BTC: variants seen among roughly 807,000 people sequenced by gnomAD.
BTC encodes the protein betacellulin, also known as probetacellulin.
In BTC, 13 loss-of-function variants were observed where a neutral mutation model predicts 18.1. The observed-to-expected ratio is 0.72, with a 90% CI of 0.47 to 1.14. The LOEUF (loss-of-function observed/expected upper bound fraction) is 1.14. BTC is among the 50% of genes most tolerant of loss of function. The pLI is 0.00. For synonymous variants in BTC, 83 were observed against 79.4 expected, an observed-to-expected ratio of 1.05 and a Z score of -0.24; for missense variants, 247 against 224.2, an observed-to-expected ratio of 1.10 and a Z score of -0.65.
intron 4 of BTC, among the ~76,000 whole-genome samples, chr4:74,748,366 C>A (rs2109875335): frequency 6.6e-6 from 1 of 152,182 alleles, no homozygotes; most frequent in South Asian, 2.1e-4. Flanking sequence ...GAAACCCCGT[C>A]TCTACTAAAA....
intron 1 of BTC, among the ~76,000 whole-genome samples, chr4:74,779,086 T>A (rs1160677844): frequency 6.6e-6 from 1 of 150,864 alleles, no homozygotes; most frequent in African/African-American, 2.5e-5. Flanking sequence ...GTATGTTCAT[T>A]CAAATTCAGA....
intron 5 of BTC, among the ~76,000 whole-genome samples, chr4:74,746,970 T>C (rs1280144080): frequency 6.6e-6 from 1 of 152,152 alleles, no homozygotes; most frequent in Non-Finnish European, 1.5e-5. Context: ...TCTTAGGACC[T>C]AAGAGGAACT....
At chr4:74,783,509 A>C (rs1320947917) in intron 1 of BTC, among the ~76,000 whole-genome samples, 1 of 149,630 alleles carries the variant, frequency 6.7e-6, no homozygotes, top group Non-Finnish European at 1.5e-5. Flanking sequence ...GTAGCCCTGC[A>C]GTGTAGTTTG....
intron 2 of BTC, among the ~76,000 whole-genome samples, chr4:74,762,944 A>AT (rs1553957457): frequency 1.3e-5 from 2 of 152,246 alleles, no homozygotes; most frequent in Non-Finnish European, 1.5e-5. Flanking sequence ...TGTTCTTGAG[A>AT]TTTTTTGTTT....
chr4:74,759,566 A>G (rs1553957076), intron 2 of BTC, among the ~76,000 whole-genome samples: 1 of 152,076 alleles, frequency 6.6e-6, no homozygotes, highest in Non-Finnish European at 1.5e-5. Flanking sequence ...CCAATTAAAT[A>G]ATTTTAAAAT....
intron 2 of BTC, among the ~76,000 whole-genome samples, chr4:74,759,215 A>T (rs1401179002): frequency 6.6e-6 from 1 of 152,200 alleles, no homozygotes; most frequent in Non-Finnish European, 1.5e-5. Context: ...TATCAAGAAG[A>T]AGGAAAAGTT....
rs1298818954 is a variant in BTC at position 74,746,509 on chromosome 4, T to A, written c.*168A>T. On this transcript the variant is annotated 3_prime_UTR_variant, in exon 6 of 6. Coordinates refer to ENST00000395743, the MANE Select transcript of BTC (RefSeq NM_001729.4). The stretch of plus-strand genomic sequence containing the variant: ...TACTAGACAATATACATATAATTAA[T>A]GTTCTTATTAAAAAATAATAACACA... The A allele has an allele frequency of 1.3e-5, 2 of 152,632 alleles. No homozygotes were observed. The highest frequency in any genetic ancestry group is 6.5e-5 in the Admixed American group (1 of 15,286). 9.5% of individuals were successfully genotyped at this position (152,632 alleles called of 1,614,324 possible). A position where few individuals can be genotyped will look rare whatever the true frequency, so the allele number is the denominator to read the frequency against.
At chr4:74,787,396 G>A (rs1211588394) in intron 1 of BTC, among the ~76,000 whole-genome samples, 1 of 152,032 alleles carries the variant, frequency 6.6e-6, no homozygotes, top group Non-Finnish European at 1.5e-5. Context: ...ATTAAATATT[G>A]CCTCTCCCTC....
intron 1 of BTC, among the ~76,000 whole-genome samples, chr4:74,792,159 G>T (rs923522515): frequency 5.9e-5 from 9 of 152,254 alleles, no homozygotes; most frequent in Non-Finnish European, 1.3e-4. Context: ...AACAAATTAC[G>T]TTCCTTAGCA....
At chr4:74,763,260 A>G (rs1724812151) in intron 2 of BTC, among the ~76,000 whole-genome samples, 1 of 152,180 alleles carries the variant, frequency 6.6e-6, no homozygotes, top group Non-Finnish European at 1.5e-5. Flanking sequence ...CCAAATCACT[A>G]ATGTATTTGT....
intron 1 of BTC, among the ~76,000 whole-genome samples, chr4:74,784,828 A>G (rs886163076): frequency 6.6e-6 from 1 of 152,198 alleles, no homozygotes; most frequent in African/African-American, 2.4e-5. Context: ...TTGGTTTGCC[A>G]GTCTTTTGTT....
intron 1 of BTC, among the ~76,000 whole-genome samples, chr4:74,784,577 T>G (rs771450699): frequency 2.0e-5 from 3 of 152,330 alleles, no homozygotes; most frequent in African/African-American, 7.2e-5. Context: ...TATATGGCTC[T>G]TACTGTTTTG....
At chr4:74,786,770 G>C (rs370883850) in intron 1 of BTC, among the ~76,000 whole-genome samples, 2 of 151,852 alleles carry the variant, frequency 1.3e-5, no homozygotes, top group Non-Finnish European at 2.9e-5. Flanking sequence ...AATCTGCCCT[G>C]AACCAAACAT....
intron 1 of BTC, among the ~76,000 whole-genome samples, chr4:74,784,651 T>C (rs1424249694): frequency 6.6e-6 from 1 of 152,236 alleles, no homozygotes; most frequent in African/African-American, 2.4e-5. Context: ...TTGAATTTTA[T>C]CAAAGGCCTT....
intron 2 of BTC, among the ~76,000 whole-genome samples, chr4:74,761,436 T>A (rs1724755346): frequency 6.6e-6 from 1 of 152,202 alleles, no homozygotes; most frequent in Non-Finnish European, 1.5e-5. Context: ...ATCTCTATGA[T>A]AACAATTTCT....
intron 5 of BTC, among the ~76,000 whole-genome samples, chr4:74,747,664 T>C (rs782156522): frequency 2.6e-5 from 4 of 152,236 alleles, no homozygotes; most frequent in Non-Finnish European, 4.4e-5. Flanking sequence ...TTTAAAGAGC[T>C]TGTAACAGTG....
At position 74,750,702 on chromosome 4, in the gene BTC, A is replaced by G; in HGVS notation, c.299T>C (p.Ile100Thr). Residue 100 changes from isoleucine (I) to threonine (T), a missense_variant, in exon 4 of 6, where the codon ATT (isoleucine) becomes ACT (threonine). Ile to Thr is a moderately conservative substitution (Grantham distance 89). Coordinates refer to ENST00000395743, the MANE Select transcript of BTC (RefSeq NM_001729.4). ...TPSCVCDEGY[I>T]GARCERVDLF... The stretch of plus-strand genomic sequence containing the variant: ...GTCAACTCTCTCACACCTTGCTCCA[A>G]TGTAGCCTTCATCACAGCTATAAAA... 2 of 1,613,678 alleles carry G rather than the reference A, an allele frequency of 1.2e-6. No individual in the cohort carries two copies. The highest frequency in any genetic ancestry group is 1.7e-6 in the Non-Finnish European group (2 of 1,179,874).
At chr4:74,747,785 A>G (rs1028275225) in intron 5 of BTC, among the ~76,000 whole-genome samples, 13 of 152,204 alleles carry the variant, frequency 8.5e-5, no homozygotes, top group Non-Finnish European at 1.6e-4. Flanking sequence ...CAAAAATGAG[A>G]AAGAAAAAAT....
chr4:74,780,376 T>C (rs1725287304), intron 1 of BTC, among the ~76,000 whole-genome samples: 1 of 152,182 alleles, frequency 6.6e-6, no homozygotes, highest in African/African-American at 2.4e-5. Context: ...TTCTTCGTTA[T>C]GTTTCTGCAA....
Sources: gnomAD v4.1 joint callset for allele counts (sites outside exome capture counted in the v4.1 genomes callset) on GRCh38, gnomAD v4.1.1 for gene constraint, MANE v1.5 for transcripts, NCBI Gene and HGNC (gene_info 2026-07-23, HGNC 2026-07-21) for gene names.